TTC27: variants seen among roughly 807,000 people sequenced by gnomAD.
TTC27 encodes the protein tetratricopeptide repeat protein 27.
Under a neutral mutation model 115.9 loss-of-function variants are expected in TTC27, and 79 were observed. The ratio of observed to expected loss-of-function variants is 0.68; its 90% CI spans 0.57 to 0.82. The LOEUF is 0.82. Among genes scored for constraint, TTC27 ranks in the 40% least tolerant of loss-of-function variants. The probability of loss-of-function intolerance (pLI) is 0.00; values close to 1 mark genes in which losing one functional copy is unlikely to be tolerated. For missense variants in TTC27, 1,054 were observed against 993.1 expected (o/e 1.06, Z -0.82); for synonymous variants, 401 against 356.0 (o/e 1.13, Z -1.42).
chr2:32,656,073 T>C (rs917899376), intron 5 of TTC27, among the ~76,000 whole-genome samples: 1 of 152,132 alleles, frequency 6.6e-6, no homozygotes, highest in African/African-American at 2.4e-5. Context: ...GCTTGAGTTT[T>C]CTAAATGCCA....
At position 32,789,235 on chromosome 2, in the gene TTC27, C is replaced by T. The variant is rs541782169; in HGVS notation, c.1998+2086C>T. On this transcript the variant is annotated intron_variant, in intron 16 of 19. Transcript: ENST00000317907. ...TTAAGTATGGCAAATCTTGCTAACT[C>T]GTGTATTCTAAAAGAAAGGCAAGAA... Among the ~76,000 whole-genome samples the T allele has an allele frequency of 4.6e-5, 7 of 152,252 alleles. No individual in the cohort carries two copies. The East Asian group carries it at 1.2e-3, about 25-fold the overall frequency.
At chr2:32,773,397 G>T (rs1316149108) in intron 13 of TTC27, among the ~76,000 whole-genome samples, 1 of 152,250 alleles carries the variant, frequency 6.6e-6, no homozygotes, top group African/African-American at 2.4e-5. Context: ...TGGGGGAAGA[G>T]ATATGCTCCT....
At chr2:32,752,706 T>C (rs1488359434) in intron 12 of TTC27, among the ~76,000 whole-genome samples, 1 of 152,208 alleles carries the variant, frequency 6.6e-6, no homozygotes, top group Non-Finnish European at 1.5e-5. Context: ...CATTATGGTG[T>C]CTTTAAGCAA....
In TTC27 at chr2:32,677,458, C is replaced by CT. The variant is rs1199296507; in HGVS notation, c.1053-1389dup. On this transcript the variant is annotated intron_variant, in intron 8 of 19. Transcript: ENST00000317907. ...AAGAATAGTGCCAAACTGTTTTCTT[C>CT]TTTTTTTTTGAGATGGAGTCTTGCT... 8.6e-5 allele frequency among the ~76,000 whole-genome samples: 13 copies of CT among 150,938 alleles called. No individual in the cohort carries two copies. In the Middle Eastern group the frequency reaches 0.01, roughly 119 times the overall value.
intron 12 of TTC27, among the ~76,000 whole-genome samples, chr2:32,747,692 C>G (rs185844606): frequency 5.9e-5 from 9 of 152,228 alleles, no homozygotes; most frequent in African/African-American, 2.2e-4. Context: ...ACAATCTATA[C>G]TATAGTATAG....
chr2:32,698,482 CTTT>C (rs376008254), intron 9 of TTC27, among the ~76,000 whole-genome samples: 2 of 124,706 alleles, frequency 1.6e-5, no homozygotes, highest in Admixed American at 8.5e-5. Flanking sequence ...AACATGTTGT[CTTT>C]TTTTTTTTTT....
At chr2:32,774,227 G>T (rs1669922484) in intron 13 of TTC27, among the ~76,000 whole-genome samples, 1 of 149,240 alleles carries the variant, frequency 6.7e-6, no homozygotes. Context: ...TTTAGCCCAG[G>T]CCAGAGTGCA....
chr2:32,789,492 G>T (rs1434785092), intron 16 of TTC27, among the ~76,000 whole-genome samples: 1 of 152,010 alleles, frequency 6.6e-6, no homozygotes, highest in East Asian at 1.9e-4. Flanking sequence ...TGGTATTATA[G>T]ATACCAAAGG....
intron 13 of TTC27, among the ~76,000 whole-genome samples, chr2:32,777,210 G>T (rs1280886274): frequency 6.6e-6 from 1 of 152,218 alleles, no homozygotes; most frequent in African/African-American, 2.4e-5. Flanking sequence ...CTAGTTTGAA[G>T]ATGAAAACAG....
intron 14 of TTC27, among the ~76,000 whole-genome samples, chr2:32,779,308 A>T (rs530201296): frequency 4.7e-4 from 71 of 152,038 alleles, no homozygotes; most frequent in Admixed American, 7.9e-4. Context: ...CATCCTTGAC[A>T]ACACTTGTTA....
At chr2:32,762,534 G>C (rs1006319629) in intron 13 of TTC27, among the ~76,000 whole-genome samples, 1 of 152,120 alleles carries the variant, frequency 6.6e-6, no homozygotes, top group Admixed American at 6.5e-5. Flanking sequence ...TGTGTAAAGA[G>C]GTAATTCAGG....
chr2:32,731,819 A>C (rs1668302016), intron 10 of TTC27, among the ~76,000 whole-genome samples: 1 of 152,206 alleles, frequency 6.6e-6, no homozygotes, highest in African/African-American at 2.4e-5. Context: ...TGTAAGAGAC[A>C]CTTAAAAACT....
chr2:32,678,221 C>T (rs530257942), intron 8 of TTC27, among the ~76,000 whole-genome samples: 2 of 141,932 alleles, frequency 1.4e-5, no homozygotes, highest in East Asian at 4.1e-4. Context: ...TGCCACTGCA[C>T]TGCAGCCTGG....
chr2:32,793,792 G>A (rs1311677082), intron 16 of TTC27, among the ~76,000 whole-genome samples: 2 of 151,932 alleles, frequency 1.3e-5, no homozygotes, highest in African/African-American at 4.8e-5. Context: ...CAAAGTGCTG[G>A]GATTACAGGT....
intron 14 of TTC27, 76 bp downstream of exon 14, chr2:32,778,056 A>G (rs1434451586): frequency 2.9e-6 from 4 of 1,374,414 alleles, no homozygotes; most frequent in African/African-American, 2.8e-5. Flanking sequence ...TATGGTTCAG[A>G]ACAGCAATTC....
chr2:32,712,552 T>C (rs1258987905), intron 10 of TTC27, among the ~76,000 whole-genome samples: 1 of 151,986 alleles, frequency 6.6e-6, no homozygotes, highest in South Asian at 2.1e-4. Context: ...AAATTCTTTT[T>C]TTTTCTTTTT....
At chr2:32,748,486 G>A (rs538855226) in intron 12 of TTC27, among the ~76,000 whole-genome samples, 23 of 152,220 alleles carry the variant, frequency 1.5e-4, no homozygotes, top group African/African-American at 5.5e-4. Flanking sequence ...CATCTTTTGT[G>A]TAGTTATTCT....
intron 9 of TTC27, among the ~76,000 whole-genome samples, chr2:32,698,635 A>G (rs1407923928): frequency 1.3e-5 from 2 of 151,258 alleles, no homozygotes; most frequent in African/African-American, 2.4e-5. Flanking sequence ...GCCCCCCACC[A>G]CGCCTGGCTA....
At chr2:32,803,242 G>A (rs779104876) in intron 16 of TTC27, among the ~76,000 whole-genome samples, 25 of 152,228 alleles carry the variant, frequency 1.6e-4, no homozygotes, top group Non-Finnish European at 2.6e-4. Flanking sequence ...TGAGTGGAGG[G>A]CAAAGTAGAA....
Sources: gnomAD v4.1 joint callset for allele counts (sites outside exome capture counted in the v4.1 genomes callset) on GRCh38, gnomAD v4.1.1 for gene constraint, MANE v1.5 for transcripts, NCBI Gene and HGNC (gene_info 2026-07-23, HGNC 2026-07-21) for gene names.